Variants in WWOX observed in about 807,000 individuals in gnomAD.
WWOX encodes WW domain-containing oxidoreductase.
Under a neutral mutation model 46.2 loss-of-function variants are expected in WWOX, and 69 were observed. That is an observed-to-expected ratio of 1.49 (90% CI 1.23 to 1.82). WWOX has a LOEUF of 1.82. Ranked by LOEUF, WWOX falls within the 40% of genes most tolerant of loss-of-function variation. WWOX has a pLI of 0.00. For synonymous variants in WWOX, 359 were observed against 202.6 expected, an observed-to-expected ratio of 1.77 and a Z score of -6.56; for missense variants, 919 against 542.6, an observed-to-expected ratio of 1.69 and a Z score of -6.89.
At chr16:78,450,169 A>T (rs8062267) in intron 8 of WWOX, among the ~76,000 whole-genome samples, 4 of 152,172 alleles carry the variant, frequency 2.6e-5, no homozygotes, top group African/African-American at 4.8e-5. Context: ...GCAAAATTCA[A>T]ATTTCCCCTA....
At chr16:79,192,883 C>G (rs543335240) in intron 8 of WWOX, among the ~76,000 whole-genome samples, 2 of 152,256 alleles carry the variant, frequency 1.3e-5, no homozygotes, top group South Asian at 2.1e-4. Context: ...CTCACAGGGC[C>G]GCAGGACTGA....
intron 8 of WWOX, among the ~76,000 whole-genome samples, chr16:78,616,361 A>C (rs956768487): frequency 1.3e-5 from 2 of 152,164 alleles, no homozygotes; most frequent in Non-Finnish European, 2.9e-5. Context: ...TCCAAGAGGA[A>C]GGCACTGGCA....
intron 5 of WWOX, among the ~76,000 whole-genome samples, chr16:78,195,925 C>T (rs556028872): frequency 2.0e-5 from 3 of 150,996 alleles, no homozygotes; most frequent in East Asian, 3.9e-4. Context: ...AATTTATTTT[C>T]GCACTTCCTA....
At chr16:78,686,004 A>T (rs912088393) in intron 8 of WWOX, among the ~76,000 whole-genome samples, 4 of 152,308 alleles carry the variant, frequency 2.6e-5, no homozygotes, top group Middle Eastern at 3.4e-3. Context: ...AAATGGAAAT[A>T]AAACAAAAGG....
At chr16:78,859,267 G>A (rs2151189722) in intron 8 of WWOX, among the ~76,000 whole-genome samples, 1 of 151,236 alleles carries the variant, frequency 6.6e-6, no homozygotes, top group East Asian at 2.0e-4. Context: ...TGCCTGAAAG[G>A]GAAGTGGAGA....
chr16:78,813,142 T>C (rs9673415), intron 8 of WWOX, among the ~76,000 whole-genome samples: 39,278 of 151,524 alleles, frequency 0.26, 6,223 homozygotes, highest in Middle Eastern at 0.43. Context: ...GATTGTTTTT[T>C]AGGAAAAAAA....
chr16:79,147,094 C>G (rs905391700), intron 8 of WWOX, among the ~76,000 whole-genome samples: 1 of 152,172 alleles, frequency 6.6e-6, no homozygotes, highest in Non-Finnish European at 1.5e-5. Context: ...TTTACCTGTA[C>G]TCAAGTGTGT....
chr16:78,300,479 C>G (rs963124222), intron 5 of WWOX, among the ~76,000 whole-genome samples: 1 of 151,878 alleles, frequency 6.6e-6, no homozygotes, highest in African/African-American at 2.4e-5. Context: ...TCCTGCCATG[C>G]CTGTCCTCCC....
intron 8 of WWOX, among the ~76,000 whole-genome samples, chr16:78,573,402 G>C (rs892075707): frequency 5.3e-5 from 8 of 152,208 alleles, no homozygotes; most frequent in Non-Finnish European, 1.2e-4. Flanking sequence ...ATTTTGACCT[G>C]TGAGATTTTA....
chr16:78,561,278 C>T (rs990286404), intron 8 of WWOX, among the ~76,000 whole-genome samples: 3 of 152,032 alleles, frequency 2.0e-5, no homozygotes, highest in South Asian at 2.1e-4. Context: ...CTTTCCTTGA[C>T]TTTGATGTCT....
intron 8 of WWOX, among the ~76,000 whole-genome samples, chr16:78,767,078 C>CTCCT (rs1167635641): frequency 2.0e-5 from 3 of 147,548 alleles, no homozygotes; most frequent in African/African-American, 7.5e-5. Flanking sequence ...CCCTCCCTCC[C>CTCCT]TCCTTCTCTC....
intron 5 of WWOX, among the ~76,000 whole-genome samples, chr16:78,331,855 C>T (rs1199006597): frequency 6.6e-6 from 1 of 152,210 alleles, no homozygotes; most frequent in Non-Finnish European, 1.5e-5. Context: ...TGTCAGATGT[C>T]TGTTCAAATT....
intron 8 of WWOX, among the ~76,000 whole-genome samples, chr16:78,508,093 T>C (rs1375484905): frequency 6.6e-6 from 1 of 151,910 alleles, no homozygotes; most frequent in Non-Finnish European, 1.5e-5. Flanking sequence ...CTGCATCCTC[T>C]GCCTCCCAGG....
At chr16:78,864,443 T>C (rs1405404018) in intron 8 of WWOX, among the ~76,000 whole-genome samples, 1 of 151,986 alleles carries the variant, frequency 6.6e-6, no homozygotes, top group Non-Finnish European at 1.5e-5. Flanking sequence ...AAGTTTTGTA[T>C]TTTTTTGTAG....
chr16:79,104,037 T>TGGGGG (rs58934537), intron 8 of WWOX, among the ~76,000 whole-genome samples: 17 of 38,378 alleles, frequency 4.4e-4, no homozygotes, highest in South Asian at 2.4e-3. Flanking sequence ...TGCCCTTTTT[T>TGGGGG]GGGGGGGGGG....
chr16:78,340,291 G>A (rs2080989081), intron 5 of WWOX, among the ~76,000 whole-genome samples: 1 of 115,900 alleles, frequency 8.6e-6, no homozygotes, highest in Non-Finnish European at 2.0e-5. Context: ...CCACCTCCCA[G>A]GTTCAAGTGA....
rs142991695 is a variant in WWOX, at chr16:78,654,637, T to TTC, written c.1056+221905_1056+221906dup. 5.4e-3 allele frequency among the ~76,000 whole-genome samples: 803 copies of TTC among 149,068 alleles called. 11 individuals carry two copies. The highest frequency in any genetic ancestry group is 0.017 in the African/African-American group (689 of 40,940). On this transcript the variant is annotated intron_variant, in intron 8 of 8. Transcript: ENST00000566780. ...TTAATGTACCTACCTATCTATACCTTTCTCTCTCTCTCTCTCTCTCTGTGT... is the reference window on the plus strand; with the variant it reads ...TTAATGTACCTACCTATCTATACCTTTCTCTCTCTCTCTCTCTCTCTCTGTGT...
intron 4 of WWOX, among the ~76,000 whole-genome samples, chr16:78,137,335 A>C (rs574824600): frequency 6.6e-6 from 1 of 152,266 alleles, no homozygotes; most frequent in Admixed American, 6.5e-5. Flanking sequence ...CCAGCTTGCC[A>C]ATTCTGGGGC....
chr16:78,708,846 C>G (rs1482319292), intron 8 of WWOX, among the ~76,000 whole-genome samples: 2 of 152,198 alleles, frequency 1.3e-5, no homozygotes, highest in African/African-American at 4.8e-5. Context: ...CAGCGCCCAG[C>G]AAAGGGCTTG....
Sources: allele counts gnomAD v4.1 joint callset (sites outside exome capture counted in the v4.1 genomes callset), GRCh38; gene constraint gnomAD v4.1.1; transcripts MANE v1.5; gene names NCBI Gene and HGNC (gene_info 2026-07-23, HGNC 2026-07-21).